NRXN3: variants seen among roughly 807,000 people sequenced by gnomAD.
The protein encoded by NRXN3 is neurexin 3.
NRXN3 carries 32 observed loss-of-function variants against 137.6 expected under a neutral mutation model. The ratio of observed to expected loss-of-function variants is 0.23; its 90% CI spans 0.18 to 0.31. The LOEUF (loss-of-function observed/expected upper bound fraction) is 0.31, where lower values mean the gene tolerates loss of function less well. NRXN3 is among the 10% of genes least tolerant of loss of function. The pLI is 1.00. For missense variants in NRXN3, 1,574 were observed against 2,062.5 expected (o/e 0.76, Z 4.59); for synonymous variants, 798 against 784.5 (o/e 1.02, Z -0.29).
chr14:79,450,073 TTC>T (rs1567160918), intron 15 of NRXN3, among the ~76,000 whole-genome samples: 2 of 151,858 alleles, frequency 1.3e-5, no homozygotes, highest in African/African-American at 2.4e-5. Flanking sequence ...TGTATACATA[TTC>T]TCTTTCTCTC....
At chr14:79,658,149 C>T (rs983021381) in intron 16 of NRXN3, among the ~76,000 whole-genome samples, 6 of 152,050 alleles carry the variant, frequency 3.9e-5, no homozygotes, top group African/African-American at 9.7e-5. Flanking sequence ...CTGTGATTGT[C>T]GAAAATGCAT....
At chr14:79,814,247 C>T (rs1343678000) in intron 20 of NRXN3, among the ~76,000 whole-genome samples, 2 of 152,228 alleles carry the variant, frequency 1.3e-5, no homozygotes, top group Non-Finnish European at 2.9e-5. Context: ...TTTCTTGGCA[C>T]AGCAGTCAAG....
intron 15 of NRXN3, among the ~76,000 whole-genome samples, chr14:79,403,445 T>A (rs570143334): frequency 2.0e-5 from 3 of 152,270 alleles, no homozygotes; most frequent in East Asian, 3.9e-4. Context: ...GGACCTCCAG[T>A]GGAACAAGAG....
chr14:79,239,048 T>C (rs1004722646), intron 15 of NRXN3, among the ~76,000 whole-genome samples: 10 of 152,256 alleles, frequency 6.6e-5, no homozygotes, highest in South Asian at 6.2e-4. Context: ...TAACTGTGGA[T>C]AGCACCAAAC....
At chr14:78,603,044 C>CT (rs1177232503) in intron 4 of NRXN3, among the ~76,000 whole-genome samples, 1 of 152,038 alleles carries the variant, frequency 6.6e-6, no homozygotes, top group African/African-American at 2.4e-5. Flanking sequence ...TTTCTTGGCA[C>CT]TTTTTTTGTT....
rs574305581 is a variant in NRXN3, at chr14:79,255,197, G to T, written c.3263-212024G>T. On this transcript the variant is annotated intron_variant, in intron 15 of 20. Coordinates refer to ENST00000335750, the MANE Select transcript of NRXN3 (RefSeq NM_001330195.2). ...ACAGAAACAATCACAAACTCACACTGTCAGGAGTGGCCCAGGCCATCTGGT... is the reference window on the plus strand; with the variant it reads ...ACAGAAACAATCACAAACTCACACTTTCAGGAGTGGCCCAGGCCATCTGGT... Among the ~76,000 whole-genome samples, 221 of 152,316 alleles carry T rather than the reference G, an allele frequency of 1.5e-3. 2 individuals carry two copies. Among genetic ancestry groups the T allele is most frequent in the Non-Finnish European group, 2.8e-3 (192 of 68,032 alleles).
intron 1 of NRXN3, among the ~76,000 whole-genome samples, chr14:78,180,603 T>C (rs2059724848): frequency 6.6e-6 from 1 of 152,236 alleles, no homozygotes; most frequent in South Asian, 2.1e-4. Flanking sequence ...AAAAAGGATG[T>C]TGAGACCTCT....
intron 19 of NRXN3, among the ~76,000 whole-genome samples, chr14:79,797,153 TA>T (rs1208607396): frequency 1.3e-5 from 2 of 152,238 alleles, no homozygotes; most frequent in Non-Finnish European, 2.9e-5. Context: ...AATATTTTTT[TA>T]ATTCAGTTTT....
intron 15 of NRXN3, among the ~76,000 whole-genome samples, chr14:79,129,026 C>T (rs2057017585): frequency 6.6e-6 from 1 of 152,058 alleles, no homozygotes; most frequent in African/African-American, 2.4e-5. Context: ...TGGAGATATC[C>T]CCTTTATCAT....
chr14:79,156,567 T>A (rs1420666234), intron 15 of NRXN3, among the ~76,000 whole-genome samples: 3 of 151,946 alleles, frequency 2.0e-5, no homozygotes, highest in African/African-American at 4.8e-5. Context: ...TTTTTCATTT[T>A]AAAAATGAAT....
intron 16 of NRXN3, among the ~76,000 whole-genome samples, chr14:79,655,376 G>C (rs1049704361): frequency 6.6e-6 from 1 of 152,260 alleles, no homozygotes; most frequent in Admixed American, 6.5e-5. Flanking sequence ...AGAGCTTATC[G>C]ATACATACTT....
rs2097856323 is a variant in NRXN3, at chr14:79,596,107, C to A, written c.3445-67671C>A. Among the ~76,000 whole-genome samples the A allele has an allele frequency of 2.0e-5, 3 of 149,594 alleles. No homozygotes were observed. In the South Asian group the frequency reaches 6.3e-4, roughly 31 times the overall value. ...AATGATTTCTCCTGTGCTTGCCATTCTGCCTTGTACGTAATACACCCTTTC... is the reference window on the plus strand; with the variant it reads ...AATGATTTCTCCTGTGCTTGCCATTATGCCTTGTACGTAATACACCCTTTC... On this transcript the variant is annotated intron_variant, in intron 16 of 20. Coordinates refer to ENST00000335750, the MANE Select transcript of NRXN3 (RefSeq NM_001330195.2).
At chr14:79,127,260 T>G (rs2056678868) in intron 15 of NRXN3, among the ~76,000 whole-genome samples, 1 of 152,204 alleles carries the variant, frequency 6.6e-6, no homozygotes, top group Non-Finnish European at 1.5e-5. Flanking sequence ...CATGCCTATG[T>G]CCTGAATGGT....
intron 4 of NRXN3, among the ~76,000 whole-genome samples, chr14:78,518,291 T>G (rs757835212): frequency 3.3e-5 from 5 of 152,092 alleles, no homozygotes; most frequent in Non-Finnish European, 5.9e-5. Flanking sequence ...TTTGGTTTCT[T>G]AGGAAATGGT....
chr14:78,899,448 G>A (rs921195476), intron 10 of NRXN3, among the ~76,000 whole-genome samples: 2 of 151,904 alleles, frequency 1.3e-5, no homozygotes, highest in African/African-American at 4.8e-5. Context: ...TCTGCCACGT[G>A]GGCACAGAGT....
At chr14:78,228,349 G>A (rs2064959801) in intron 1 of NRXN3, among the ~76,000 whole-genome samples, 2 of 151,978 alleles carry the variant, frequency 1.3e-5, no homozygotes, top group African/African-American at 4.8e-5. Flanking sequence ...TAGAGATGGG[G>A]TTTCACCATG....
At chr14:78,419,986 C>CA (rs10676901) in intron 4 of NRXN3, among the ~76,000 whole-genome samples, 89,639 of 150,018 alleles carry the variant, frequency 0.6, 29,004 homozygotes, top group Non-Finnish European at 0.73. Flanking sequence ...CACACACACA[C>CA]GTAAAGTCCT....
intron 10 of NRXN3, among the ~76,000 whole-genome samples, chr14:78,823,836 T>TA (rs139967518): frequency 1.4e-4 from 21 of 149,062 alleles, no homozygotes; most frequent in East Asian, 1.4e-3. Flanking sequence ...GGTTACACGT[T>TA]AAAAAAAAAA....
At chr14:78,189,145 T>G (rs867669987) in intron 1 of NRXN3, among the ~76,000 whole-genome samples, 3 of 152,206 alleles carry the variant, frequency 2.0e-5, no homozygotes, top group African/African-American at 7.2e-5. Context: ...TACCAGCGAA[T>G]CCTGTCAGCT....
Sources: gnomAD v4.1 joint callset for allele counts (sites outside exome capture counted in the v4.1 genomes callset) on GRCh38, gnomAD v4.1.1 for gene constraint, MANE v1.5 for transcripts, NCBI Gene and HGNC (gene_info 2026-07-23, HGNC 2026-07-21) for gene names.